GPC5: variants seen among roughly 807,000 people sequenced by gnomAD.
The protein encoded by GPC5 is glypican 5, also known as glypican-5.
A neutral mutation model predicts 53.9 loss-of-function variants in GPC5; 47 were observed. The observed-to-expected ratio is 0.87, with a 90% confidence interval of 0.69 to 1.11. The LOEUF (loss-of-function observed/expected upper bound fraction) is 1.11. GPC5 is among the 50% of genes most tolerant of loss of function. GPC5 has a pLI of 0.00. For synonymous variants in GPC5, 286 were observed against 263.3 expected, an observed-to-expected ratio of 1.09 and a Z score of -0.84; for missense variants, 748 against 713.1, an observed-to-expected ratio of 1.05 and a Z score of -0.56.
chr13:92,629,949 A>C (rs1192452072), intron 7 of GPC5, among the ~76,000 whole-genome samples: 3 of 152,230 alleles, frequency 2.0e-5, no homozygotes, highest in Non-Finnish European at 4.4e-5. Context: ...CAACGATAAA[A>C]GAGTGCATTT....
chr13:92,680,587 A>G (rs1887083469), intron 7 of GPC5, among the ~76,000 whole-genome samples: 1 of 152,224 alleles, frequency 6.6e-6, no homozygotes, highest in Non-Finnish European at 1.5e-5. Flanking sequence ...CTGTTTAGCA[A>G]GAAGAGACCT....
intron 6 of GPC5, among the ~76,000 whole-genome samples, chr13:92,139,540 G>A (rs1460306352): frequency 2.0e-5 from 3 of 151,886 alleles, no homozygotes; most frequent in Non-Finnish European, 2.9e-5. Flanking sequence ...GGTGGCATGC[G>A]CCTGCAGTCC....
At chr13:91,917,258 A>G (rs776902321) in intron 6 of GPC5, among the ~76,000 whole-genome samples, 1 of 152,232 alleles carries the variant, frequency 6.6e-6, no homozygotes, top group Non-Finnish European at 1.5e-5. Flanking sequence ...CCAATAGGGC[A>G]GTTATTAAAC....
Position 92,193,584 on chromosome 13 carries a change from AT to A in GPC5, c.1561+48596del, listed in dbSNP as rs1372107034. Among the ~76,000 whole-genome samples the A allele has an allele frequency of 4.6e-5, 7 of 152,362 alleles. No individual in the cohort carries two copies. The South Asian group carries it at 1.2e-3, about 27-fold the overall frequency. On this transcript the variant is annotated intron_variant, in intron 7 of 7. Coordinates refer to ENST00000377067, the MANE Select transcript of GPC5 (RefSeq NM_004466.6). ...ATAAAACTACCTCTTAAGAATGATT[AT>A]AGTTCAACTCTGAAATGTAAACTTA...
At chr13:92,114,620 G>A (rs977844299) in intron 6 of GPC5, among the ~76,000 whole-genome samples, 3 of 152,186 alleles carry the variant, frequency 2.0e-5, no homozygotes, top group Non-Finnish European at 4.4e-5. Flanking sequence ...TGTCATTACA[G>A]AAGAATTAAA....
intron 2 of GPC5, among the ~76,000 whole-genome samples, chr13:91,532,594 A>T (rs575214878): frequency 6.6e-6 from 1 of 152,144 alleles, no homozygotes; most frequent in Non-Finnish European, 1.5e-5. Context: ...GGCCGGGCAC[A>T]GTGGTTCACA....
intron 2 of GPC5, among the ~76,000 whole-genome samples, chr13:91,480,417 T>C (rs951897287): frequency 2.6e-5 from 4 of 152,168 alleles, no homozygotes; most frequent in African/African-American, 9.7e-5. Flanking sequence ...TAAAGAGCGA[T>C]GAGTGGTGAG....
At chr13:91,777,295 T>C (rs768620433) in intron 5 of GPC5, among the ~76,000 whole-genome samples, 4 of 152,238 alleles carry the variant, frequency 2.6e-5, no homozygotes, top group Non-Finnish European at 5.9e-5. Context: ...TGTTGATTTC[T>C]TTCCCTTTTT....
At chr13:92,844,569 C>A (rs541564080) in intron 7 of GPC5, among the ~76,000 whole-genome samples, 20 of 150,716 alleles carry the variant, frequency 1.3e-4, no homozygotes, top group Admixed American at 2.7e-4. Context: ...TACGTGTGTC[C>A]CTGCTTTTGT....
At chr13:92,499,750 G>A (rs547001279) in intron 7 of GPC5, among the ~76,000 whole-genome samples, 1 of 152,202 alleles carries the variant, frequency 6.6e-6, no homozygotes, top group South Asian at 2.1e-4. Flanking sequence ...ACTCGGTAGG[G>A]AAATATTCTA....
intron 7 of GPC5, among the ~76,000 whole-genome samples, chr13:92,520,085 G>C (rs1233269355): frequency 6.6e-6 from 1 of 152,100 alleles, no homozygotes; most frequent in Non-Finnish European, 1.5e-5. Flanking sequence ...CCAGTAAGAA[G>C]TTGAATCCCT....
chr13:92,186,860 C>T (rs532715905), intron 7 of GPC5, among the ~76,000 whole-genome samples: 76 of 152,220 alleles, frequency 5.0e-4, no homozygotes, highest in Middle Eastern at 3.4e-3. Context: ...GCCTGTAATC[C>T]CAGCACTTTG....
At chr13:91,730,461 T>C (rs934439618) in intron 4 of GPC5, among the ~76,000 whole-genome samples, 1 of 152,184 alleles carries the variant, frequency 6.6e-6, no homozygotes, top group Non-Finnish European at 1.5e-5. Flanking sequence ...TATTCGAGCC[T>C]AGTCTTATAG....
At chr13:92,184,242 T>G (rs2042167237) in intron 7 of GPC5, among the ~76,000 whole-genome samples, 1 of 152,190 alleles carries the variant, frequency 6.6e-6, no homozygotes, top group East Asian at 1.9e-4. Context: ...CTCTCATTAA[T>G]TATATATACA....
At chr13:91,771,970 T>C (rs568520559) in intron 5 of GPC5, among the ~76,000 whole-genome samples, 12 of 152,272 alleles carry the variant, frequency 7.9e-5, no homozygotes, top group African/African-American at 2.9e-4. Flanking sequence ...GCAGAAAGAA[T>C]ATGGGTAGTT....
chr13:91,495,169 A>G (rs1320891628), intron 2 of GPC5, among the ~76,000 whole-genome samples: 1 of 152,174 alleles, frequency 6.6e-6, no homozygotes, highest in African/African-American at 2.4e-5. Context: ...CCTACCTTAT[A>G]TGACTACATA....
intron 6 of GPC5, among the ~76,000 whole-genome samples, chr13:92,073,631 A>C (rs750295984): frequency 6.6e-6 from 1 of 152,224 alleles, no homozygotes; most frequent in East Asian, 1.9e-4. Context: ...ATGGTATACG[A>C]TGTCTACCAT....
chr13:91,724,934 A>C (rs1359438639), intron 3 of GPC5: 1 of 152,226 alleles, frequency 6.6e-6, no homozygotes, highest in African/African-American at 2.4e-5. Context: ...AAACAATTGA[A>C]GTTATTCTTT....
chr13:91,448,784 T>G lies in GPC5; in HGVS notation c.187T>G (p.Ser63Ala). ...AGGACCTGATCTTCAGGTTTGCATATCCAAAAAGCCTACATGTTGCACCAG... is the reference window on the plus strand; with the variant it reads ...AGGACCTGATCTTCAGGTTTGCATAGCCAAAAAGCCTACATGTTGCACCAG... ...RAGPDLQVCI[S>A]KKPTCCTRKM... Residue 63 changes from serine to alanine, a missense_variant, in exon 2 of 8, where the codon TCC becomes GCC. Ser to Ala is a moderately conservative substitution (Grantham distance 99, BLOSUM62 1). Transcript: ENST00000377067. The G allele has an allele frequency of 1.2e-6, 2 of 1,613,162 alleles. No individual in the cohort carries two copies. The highest frequency in any genetic ancestry group is 1.7e-6 in the Non-Finnish European group (2 of 1,179,636).
Sources: allele counts gnomAD v4.1 joint callset (sites outside exome capture counted in the v4.1 genomes callset), GRCh38; gene constraint gnomAD v4.1.1; transcripts MANE v1.5; gene names NCBI Gene and HGNC (gene_info 2026-07-23, HGNC 2026-07-21).